The following TVP23C variants were observed in gnomAD, a reference collection of about 807,000 sequenced individuals.
TVP23C encodes the protein trans-golgi network vesicle protein 23 homolog C.
In TVP23C, 19 loss-of-function variants were observed where a neutral mutation model predicts 28.7. The observed-to-expected ratio is 0.66, with a 90% CI of 0.46 to 0.97. The LOEUF is 0.97. TVP23C is among the 50% of genes least tolerant of loss of function. The pLI, the probability that TVP23C is intolerant of heterozygous loss-of-function variation, is 0.00. For synonymous variants in TVP23C, 68 were observed against 81.7 expected (o/e 0.83, Z 0.90); for missense variants, 186 against 241.3 (o/e 0.77, Z 1.52).
chr17:15,529,433 T>C (rs146923036), intron 5 of TVP23C, among the ~76,000 whole-genome samples: 108 of 152,078 alleles, frequency 7.1e-4, no homozygotes, highest in Non-Finnish European at 1.1e-3. Flanking sequence ...GCCTGGGTGA[T>C]AGAGTGAGAC....
At chr17:15,512,875 T>A (rs1041366628) in intron 5 of TVP23C, among the ~76,000 whole-genome samples, 1 of 152,168 alleles carries the variant, frequency 6.6e-6, no homozygotes, top group Non-Finnish European at 1.5e-5. Context: ...GACCCATCCA[T>A]CCCCATGGAG....
chr17:15,543,981 C>T (rs182680029), intron 5 of TVP23C, among the ~76,000 whole-genome samples: 2 of 151,822 alleles, frequency 1.3e-5, no homozygotes, highest in African/African-American at 4.8e-5. Flanking sequence ...TGATTCCAAG[C>T]AAAACTTTAG....
chr17:15,529,115 C>G (rs1982846375), intron 5 of TVP23C, among the ~76,000 whole-genome samples: 1 of 152,104 alleles, frequency 6.6e-6, no homozygotes, highest in African/African-American at 2.4e-5. Context: ...TATGCTTACT[C>G]TTTTATGTGG....
At chr17:15,519,479 T>TACAC (rs370476385) in intron 5 of TVP23C, among the ~76,000 whole-genome samples, 2 of 62,284 alleles carry the variant, frequency 3.2e-5, no homozygotes, top group African/African-American at 1.0e-4. Flanking sequence ...CTCAAATAAA[T>TACAC]ATACACACAC....
chr17:15,513,295 T>A (rs1321536162), intron 5 of TVP23C, among the ~76,000 whole-genome samples: 1 of 152,212 alleles, frequency 6.6e-6, no homozygotes, highest in Non-Finnish European at 1.5e-5. Context: ...GAGTCAGCAA[T>A]CTGGAACATT....
chr17:15,526,860 A>G (rs562260321), intron 5 of TVP23C, among the ~76,000 whole-genome samples: 1 of 152,350 alleles, frequency 6.6e-6, no homozygotes, highest in Non-Finnish European at 1.5e-5. Context: ...AATAAATAAC[A>G]GGATGTGTTT....
intron 3 of TVP23C, among the ~76,000 whole-genome samples, chr17:15,549,607 G>A (rs1000720427): frequency 6.6e-5 from 10 of 151,754 alleles, no homozygotes; most frequent in Non-Finnish European, 1.5e-4. Context: ...TGAACCCCGG[G>A]AGGCAGAGGT....
chr17:15,550,969 T>G (rs1983857099), intron 3 of TVP23C, among the ~76,000 whole-genome samples: 2 of 152,238 alleles, frequency 1.3e-5, no homozygotes, highest in Admixed American at 6.5e-5. Context: ...ATTACTTACA[T>G]CACTTTATAC....
At position 15,538,720 on chromosome 17, in the gene TVP23C, T is replaced by C; in HGVS notation, c.*1692A>G. On this transcript the variant is annotated 3_prime_UTR_variant, in exon 6 of 6. Coordinates refer to ENST00000518321, the MANE Select transcript of TVP23C (RefSeq NM_001135036.2). ...GATACCATGTAAGACACTAACCCTATCCATGTTATGCCAGGTTTAAGGTTT... is the reference window on the plus strand; with the variant it reads ...GATACCATGTAAGACACTAACCCTACCCATGTTATGCCAGGTTTAAGGTTT... The C allele has an allele frequency of 1.0e-6, 1 of 985,432 alleles. No homozygotes were observed. Among genetic ancestry groups the C allele is most frequent in the Non-Finnish European group, 1.2e-6 (1 of 829,930 alleles). The allele number at this position is 985,432 out of a possible 1,614,324, so 61.0% of individuals were successfully genotyped here. A position where few individuals can be genotyped will look rare whatever the true frequency, so the allele number is the denominator to read the frequency against.
At chr17:15,532,119 A>G (rs1982973086), downstream of TVP23C, among the ~76,000 whole-genome samples, 2 of 152,164 alleles carry the variant, frequency 1.3e-5, no homozygotes, top group South Asian at 4.1e-4. Flanking sequence ...CTAGCTCCCA[A>G]GAATATTTTG....
intron 5 of TVP23C, chr17:15,507,297 T>A: frequency 1.3e-6 from 1 of 762,054 alleles, no homozygotes. Flanking sequence ...GCGCTTTCGG[T>A]CCAGGAATGG....
chr17:15,523,864 C>T (rs1453330486), intron 5 of TVP23C, among the ~76,000 whole-genome samples: 10 of 151,978 alleles, frequency 6.6e-5, no homozygotes, highest in East Asian at 5.8e-4. Flanking sequence ...CTGCCCGCCT[C>T]GGCCTCCCAA....
intron 2 of TVP23C, among the ~76,000 whole-genome samples, chr17:15,554,863 A>G (rs112831727): frequency 5.6e-4 from 86 of 152,380 alleles, no homozygotes; most frequent in Admixed American, 9.8e-4. Context: ...AAAAGTAAAA[A>G]ACAGCATTTT....
chr17:15,563,201 G>A (rs1441146296), intron 1 of TVP23C: 12 of 643,296 alleles, frequency 1.9e-5, no homozygotes, highest in Non-Finnish European at 3.0e-5. Context: ...AACAATGGGC[G>A]TCCCCACAGC....
chr17:15,509,499 TTCTTGG>T (rs1981912882), intron 5 of TVP23C, among the ~76,000 whole-genome samples: 1 of 152,246 alleles, frequency 6.6e-6, no homozygotes, highest in South Asian at 2.1e-4. Flanking sequence ...CTTTGCGAGT[TTCTTGG>T]TCTTTGCTTA....
At chr17:15,562,142 A>G (rs1984426016) in intron 1 of TVP23C, 1 of 152,206 alleles carries the variant, frequency 6.6e-6, no homozygotes, top group African/African-American at 2.4e-5. Flanking sequence ...TGGAGTAGCC[A>G]TTCCTTTACT....
chr17:15,543,789 CA>C (rs1357973160), intron 5 of TVP23C, among the ~76,000 whole-genome samples: 1 of 151,722 alleles, frequency 6.6e-6, no homozygotes, highest in Non-Finnish European at 1.5e-5. Context: ...ACAGCTCTGA[CA>C]TAAGAGTGAA....
chr17:15,561,626 GAATGAATAAATAAATA>G (rs149530813), intron 1 of TVP23C, among the ~76,000 whole-genome samples: 26,708 of 124,810 alleles, frequency 0.21, 706 homozygotes, highest in East Asian at 0.39. Flanking sequence ...ATGAATGAAT[GAATGAATAAATAAATA>G]AATAAATAAA....
intron 5 of TVP23C, among the ~76,000 whole-genome samples, chr17:15,515,745 T>C (rs1293388777): frequency 6.6e-6 from 1 of 152,086 alleles, no homozygotes; most frequent in African/African-American, 2.4e-5. Context: ...GGTCTCCAAA[T>C]GTCTTCTGGG....
Sources: allele counts gnomAD v4.1 joint callset (sites outside exome capture counted in the v4.1 genomes callset), GRCh38; gene constraint gnomAD v4.1.1; transcripts MANE v1.5; gene names NCBI Gene and HGNC (gene_info 2026-07-23, HGNC 2026-07-21).